The following SNRPB2 variants were observed in gnomAD, a reference collection of about 807,000 sequenced individuals.
SNRPB2 encodes U2 small nuclear ribonucleoprotein B''.
SNRPB2 carries 16 observed loss-of-function variants against 26.3 expected under a neutral mutation model. That is an observed-to-expected ratio of 0.61 (90% CI 0.41 to 0.92). The LOEUF (loss-of-function observed/expected upper bound fraction) is 0.92. Among genes scored for constraint, SNRPB2 ranks in the 40% least tolerant of loss-of-function variants. SNRPB2 has a pLI of 0.00. For synonymous variants in SNRPB2, 75 were observed against 89.0 expected, an observed-to-expected ratio of 0.84 and a Z score of 0.88; for missense variants, 179 against 268.1, an observed-to-expected ratio of 0.67 and a Z score of 2.32.
In SNRPB2 at chr20:16,738,819, G is replaced by C. The variant is rs200485039; in HGVS notation, c.379-33G>C. 9.3e-6 allele frequency: 12 copies of C among 1,295,776 alleles called. No individual in the cohort carries two copies. In the Admixed American group the frequency reaches 1.4e-4, roughly 15 times the overall value. The allele number at this position is 1,295,776 out of a possible 1,614,324, so 80.3% of individuals were successfully genotyped here. ...ACCTGCTGCGTTTTTGGAGGGATTG[G>C]ATATTTAAACTCTCCCTATTTATTT... On this transcript the variant is annotated intron_variant, in intron 4 of 6. Transcript: ENST00000246071.
rs1040109194 is a variant in SNRPB2, at chr20:16,730,051, G to A, written c.-149G>A. On this transcript the variant is annotated 5_prime_UTR_variant, in exon 1 of 7. Coordinates refer to ENST00000246071, the MANE Select transcript of SNRPB2 (RefSeq NM_003092.5). ...CCTGCTTTTGGTTCTTACAGTAGTC[G>A]GCGTAGGCCTTAGGTGGGTTCGTGC... 6.6e-6 allele frequency: 1 copy of A among 152,358 alleles called. No individual in the cohort carries two copies. The highest frequency in any genetic ancestry group is 1.5e-5 in the Non-Finnish European group (1 of 68,146). The allele number at this position is 152,358 out of a possible 1,614,324, so 9.4% of individuals were successfully genotyped here.
chr20:16,732,078 G>A, intron 2 of SNRPB2, 86 bp from the exon 3 acceptor site: 1 of 776,180 alleles, frequency 1.3e-6, no homozygotes, highest in Non-Finnish European at 2.1e-6. Context: ...GAATGGTGGG[G>A]GGGGCAACTC....
At position 16,738,857 on chromosome 20, in the gene SNRPB2, T is replaced by G. The variant is rs775464546; in HGVS notation, c.384T>G (p.Thr128=). ...TTTNKKPGQG[T]PNSANTQGNS... is the part of the protein sequence containing the mutation. ...TCCCTATTTATTTTGCTTAGGGAAC[T>G]CCAAATTCAGCTAATACCCAAGGAA... Residue 128 remains threonine, a synonymous_variant, in exon 5 of 7, where the codon ACT becomes ACG. Coordinates refer to ENST00000246071, the MANE Select transcript of SNRPB2 (RefSeq NM_003092.5). 5 of 1,598,684 alleles carry G rather than the reference T, an allele frequency of 3.1e-6. No individual in the cohort carries two copies. Among genetic ancestry groups the G allele is most frequent in the Non-Finnish European group, 4.3e-6 (5 of 1,166,246 alleles).
At chr20:16,739,168 A>G (rs1311336077) in intron 5 of SNRPB2, among the ~76,000 whole-genome samples, 1 of 152,196 alleles carries the variant, frequency 6.6e-6, no homozygotes, top group Non-Finnish European at 1.5e-5. Flanking sequence ...TTTAAACTCT[A>G]AGGGCTGGGA....
In SNRPB2 at chr20:16,737,018, T is replaced by G. The variant is rs78921832; in HGVS notation, c.238-243T>G. The stretch of plus-strand genomic sequence containing the variant: ...TACAGATATTTCAAAGTCCTGTGTT[T>G]CTCACATGAAAATATATGTTTTTTT... On this transcript the variant is annotated intron_variant, in intron 3 of 6. Transcript: ENST00000246071. Among the ~76,000 whole-genome samples the G allele has an allele frequency of 2.8e-4, 43 of 152,346 alleles. No homozygotes were observed. The East Asian group carries it at 7.3e-3, about 26-fold the overall frequency.
rs1235486343 is a variant in SNRPB2, at chr20:16,735,297, A to AAAGTAATTTGTACAGATTACTACAAAG, written c.238-1963_238-1937dup. On this transcript the variant is annotated intron_variant, in intron 3 of 6. Coordinates refer to ENST00000246071, the MANE Select transcript of SNRPB2 (RefSeq NM_003092.5). ...AAAATTTTGCATACCTATTGTATAC[A>AAAGTAATTTGTACAGATTACTACAAAG]AAGTAATTTGTACAGATTACTACAA... Among the ~76,000 whole-genome samples, 18 of 146,320 alleles carry AAAGTAATTTGTACAGATTACTACAAAG rather than the reference A, an allele frequency of 1.2e-4. 1 individual carries two copies. Among genetic ancestry groups the AAAGTAATTTGTACAGATTACTACAAAG allele is most frequent in the Middle Eastern group, 3.5e-3 (1 of 284 alleles).
rs541358891 is a variant in SNRPB2 at position 16,742,076 on chromosome 20, A to G, written c.*1071A>G. On this transcript the variant is annotated 3_prime_UTR_variant, in exon 7 of 7. Transcript: ENST00000246071. ...TGGAAAGACTTTTAGACTTACGTAGACAGTATCACATCACTCTTATGCATA... is the reference window on the plus strand; with the variant it reads ...TGGAAAGACTTTTAGACTTACGTAGGCAGTATCACATCACTCTTATGCATA... 3 of 152,318 alleles carry G rather than the reference A, an allele frequency of 2.0e-5. No individual in the cohort carries two copies. 9.4% of individuals were successfully genotyped at this position (152,318 alleles called of 1,614,324 possible). A position where few individuals can be genotyped will look rare whatever the true frequency, so the allele number is the denominator to read the frequency against.
intron 3 of SNRPB2, among the ~76,000 whole-genome samples, chr20:16,736,573 G>A (rs2122503555): frequency 6.6e-6 from 1 of 152,274 alleles, no homozygotes; most frequent in Non-Finnish European, 1.5e-5. Flanking sequence ...AAGTTGTTCT[G>A]TGGGGACTCT....
intron 3 of SNRPB2, among the ~76,000 whole-genome samples, chr20:16,734,411 T>C (rs574262815): frequency 6.6e-6 from 1 of 152,308 alleles, no homozygotes; most frequent in African/African-American, 2.4e-5. Context: ...AACTTGGAAC[T>C]CAGAACAGAA....
At chr20:16,730,533 C>T (rs184595472) in intron 1 of SNRPB2, 151 of 152,336 alleles carry the variant, frequency 9.9e-4, no homozygotes, top group African/African-American at 3.4e-3. Context: ...CTGCCTCAGT[C>T]ACTTCCCTTT....
At chr20:16,735,308 T>C (rs2072418238) in intron 3 of SNRPB2, among the ~76,000 whole-genome samples, 1 of 152,230 alleles carries the variant, frequency 6.6e-6, no homozygotes, top group Non-Finnish European at 1.5e-5. Flanking sequence ...AAGTAATTTG[T>C]ACAGATTACT....
chr20:16,740,444 G>T, intron 6 of SNRPB2, 31 bp downstream of exon 6: 1 of 1,606,948 alleles, frequency 6.2e-7, no homozygotes, highest in South Asian at 1.1e-5. Context: ...GTCTGTTTCT[G>T]AGAGCTTCCT....
intron 3 of SNRPB2, among the ~76,000 whole-genome samples, chr20:16,732,928 A>G (rs1338073020): frequency 1.3e-5 from 2 of 152,200 alleles, no homozygotes; most frequent in African/African-American, 4.8e-5. Context: ...GAAGTGGGAA[A>G]CTCAATTAGG....
intron 5 of SNRPB2, among the ~76,000 whole-genome samples, chr20:16,739,499 G>A (rs2072449526): frequency 6.6e-6 from 1 of 151,996 alleles, no homozygotes; most frequent in Admixed American, 6.6e-5. Flanking sequence ...GCGGGGTCTG[G>A]CAAGATCCTT....
At chr20:16,733,310 G>A (rs150308826) in intron 3 of SNRPB2, among the ~76,000 whole-genome samples, 1 of 152,236 alleles carries the variant, frequency 6.6e-6, no homozygotes, top group African/African-American at 2.4e-5. Flanking sequence ...GTTCTTTTAT[G>A]TACTTACGTT....
chr20:16,739,904 A>AGT (rs1313307604), intron 5 of SNRPB2, among the ~76,000 whole-genome samples: 1 of 142,424 alleles, frequency 7.0e-6, no homozygotes, highest in African/African-American at 2.7e-5. Flanking sequence ...TTCTAGTTCC[A>AGT]ATTTTTTTTT....
intron 4 of SNRPB2, among the ~76,000 whole-genome samples, chr20:16,737,832 C>G (rs1035632927): frequency 4.6e-5 from 7 of 151,514 alleles, no homozygotes; most frequent in African/African-American, 1.5e-4. Flanking sequence ...GTCAGGAGAT[C>G]GAGACCATCC....
rs1181275593 is a variant in SNRPB2, at chr20:16,737,384, A to G, written c.361A>G (p.Asn121Asp). 6.3e-6 allele frequency: 10 copies of G among 1,587,934 alleles called. No individual in the cohort carries two copies. Among genetic ancestry groups the G allele is most frequent in the East Asian group, 4.5e-5 (2 of 44,732 alleles). Reference protein sequence around the residue: ...KTVEQTATTTNKKPGQGTPNS... With the variant: ...KTVEQTATTTDKKPGQGTPNS... Reference sequence around the variant, plus strand: ...TGTGGAACAGACTGCAACAACCACAAACAAAAAGCCTGGCCAGGTAAGAAA... The same window carrying G: ...TGTGGAACAGACTGCAACAACCACAGACAAAAAGCCTGGCCAGGTAAGAAA... Residue 121 changes from asparagine (N) to aspartate (D), a missense_variant, in exon 4 of 7, where the codon AAC becomes GAC. Coordinates refer to ENST00000246071, the MANE Select transcript of SNRPB2 (RefSeq NM_003092.5).
In SNRPB2 at chr20:16,741,038, G is replaced by A. The variant is rs781644374; in HGVS notation, c.*33G>A. On this transcript the variant is annotated 3_prime_UTR_variant, in exon 7 of 7. Coordinates refer to ENST00000246071, the MANE Select transcript of SNRPB2 (RefSeq NM_003092.5). ...GATAGTCGTCTTTAAAAGACTTGGT[G>A]TTATTTACAGTGTTTGTTTTGATAA... The A allele has an allele frequency of 2.7e-6, 4 of 1,481,908 alleles. No homozygotes were observed. Among genetic ancestry groups the A allele is most frequent in the Non-Finnish European group, 3.7e-6 (4 of 1,079,500 alleles). The allele number at this position is 1,481,908 out of a possible 1,614,324, so 91.8% of individuals were successfully genotyped here. A position where few individuals can be genotyped will look rare whatever the true frequency, so the allele number is the denominator to read the frequency against.
Sources: gnomAD v4.1 joint callset for allele counts (sites outside exome capture counted in the v4.1 genomes callset) on GRCh38, gnomAD v4.1.1 for gene constraint, MANE v1.5 for transcripts, NCBI Gene and HGNC (gene_info 2026-07-23, HGNC 2026-07-21) for gene names.